The following SRP54 variants were observed in gnomAD, a reference collection of about 807,000 sequenced individuals.
The protein encoded by SRP54 is signal recognition particle subunit SRP54.
SRP54 carries 10 observed loss-of-function variants against 64.8 expected under a neutral mutation model. That is an observed-to-expected ratio of 0.15 (90% CI 0.10 to 0.26). The LOEUF (loss-of-function observed/expected upper bound fraction) is 0.26. Among genes scored for constraint, SRP54 ranks in the 10% least tolerant of loss-of-function variants. The pLI is 1.00. For synonymous variants in SRP54, 193 were observed against 185.6 expected (o/e 1.04, Z -0.32); for missense variants, 325 against 613.7 (o/e 0.53, Z 4.97).
chr14:35,025,092 G>A (rs1170081152), intron 14 of SRP54, among the ~76,000 whole-genome samples: 1 of 151,976 alleles, frequency 6.6e-6, no homozygotes, highest in Non-Finnish European at 1.5e-5. Flanking sequence ...AATTTATTTT[G>A]CTGTGTATTA....
Position 35,023,225 on chromosome 14 carries a change from CT to C in SRP54, c.1327+146del, listed in dbSNP as rs1251382685. The C allele has an allele frequency of 9.5e-6, 6 of 634,170 alleles. No individual in the cohort carries two copies. The African/African-American group carries it at 1.1e-4, about 12-fold the overall frequency. 39.3% of individuals were successfully genotyped at this position (634,170 alleles called of 1,614,324 possible). A position where few individuals can be genotyped will look rare whatever the true frequency, so the allele number is the denominator to read the frequency against. On this transcript the variant is annotated intron_variant, in intron 14 of 15. Transcript: ENST00000216774. The stretch of plus-strand genomic sequence containing the variant: ...AGGATTTATGTGACCTGTGATTTAT[CT>C]GTTTTCATATTCAAGGTAATATTAA...
intron 13 of SRP54, 84 bp from the exon 14 acceptor site, chr14:35,022,826 T>C (rs898536412): frequency 8.9e-7 from 1 of 1,126,372 alleles, no homozygotes; most frequent in Non-Finnish European, 1.2e-6. Flanking sequence ...CTAAGCTCTT[T>C]GAAGTTATAT....
chr14:35,020,729 C>G (rs1468900246), intron 13 of SRP54, among the ~76,000 whole-genome samples: 4 of 152,150 alleles, frequency 2.6e-5, no homozygotes, highest in African/African-American at 9.7e-5. Flanking sequence ...ATAATTGCAG[C>G]ATATCTAAAG....
intron 1 of SRP54, among the ~76,000 whole-genome samples, chr14:34,988,390 C>T (rs936796496): frequency 2.0e-5 from 3 of 149,782 alleles, no homozygotes; most frequent in Non-Finnish European, 3.0e-5. Context: ...GGTGAAACCC[C>T]GTCTCTACTA....
chr14:35,000,221 T>G (rs951141485), intron 3 of SRP54, among the ~76,000 whole-genome samples: 3 of 152,140 alleles, frequency 2.0e-5, no homozygotes, highest in African/African-American at 7.2e-5. Flanking sequence ...CATCTCTCCT[T>G]GTATTGTTAG....
At chr14:34,986,680 C>T (rs1437413902) in intron 1 of SRP54, among the ~76,000 whole-genome samples, 1 of 151,560 alleles carries the variant, frequency 6.6e-6, no homozygotes, top group Non-Finnish European at 1.5e-5. Context: ...GAGTTCAAGA[C>T]CAGCCTGGCC....
intron 11 of SRP54, among the ~76,000 whole-genome samples, chr14:35,015,899 G>A (rs994159007): frequency 2.0e-5 from 3 of 152,108 alleles, no homozygotes; most frequent in African/African-American, 7.2e-5. Flanking sequence ...ACCATTCTTG[G>A]ATGTTTCATA....
chr14:34,999,217 G>A (rs2138980806), intron 2 of SRP54, among the ~76,000 whole-genome samples: 1 of 152,038 alleles, frequency 6.6e-6, no homozygotes, highest in South Asian at 2.1e-4. Flanking sequence ...GTTTCGCCAT[G>A]TTGGCCAGGC....
intron 13 of SRP54, among the ~76,000 whole-genome samples, chr14:35,020,116 C>T (rs559862209): frequency 1.5e-4 from 23 of 152,038 alleles, no homozygotes; most frequent in African/African-American, 2.7e-4. Context: ...ACCCGGGAGG[C>T]GGAGGTTGCA....
chr14:34,992,377 C>G (rs1346277780), intron 1 of SRP54, among the ~76,000 whole-genome samples: 1 of 152,092 alleles, frequency 6.6e-6, no homozygotes, highest in East Asian at 1.9e-4. Flanking sequence ...GAAAACCTCA[C>G]AGAAGTTTTT....
intron 7 of SRP54, among the ~76,000 whole-genome samples, chr14:35,010,545 T>A (rs1330808794): frequency 6.6e-6 from 1 of 152,064 alleles, no homozygotes; most frequent in Admixed American, 6.6e-5. Flanking sequence ...GGCGGGCATA[T>A]CATGAGGTCA....
intron 1 of SRP54, among the ~76,000 whole-genome samples, chr14:34,988,858 A>C (rs1205390138): frequency 2.0e-5 from 3 of 151,936 alleles, no homozygotes; most frequent in African/African-American, 7.2e-5. Context: ...TCCCTGATGT[A>C]AAATGGTGTA....
rs757742080 is a variant in SRP54 at position 35,013,823 on chromosome 14, G to A, written c.807G>A (p.Pro269=). The A allele has an allele frequency of 2.5e-5, 41 of 1,609,858 alleles. No homozygotes were observed. The highest frequency in any genetic ancestry group is 2.5e-4 in the East Asian group (11 of 44,850). The part of the protein sequence containing the change: ...ALSAVAATKS[P]IIFIGTGEHI... Reference sequence around the variant, plus strand: ...CCAGAGTCGCTGCCACAAAAAGTCCGATTATTTTCATTGGTACAGGGGAAC... The same window carrying A: ...CCAGAGTCGCTGCCACAAAAAGTCCAATTATTTTCATTGGTACAGGGGAAC... Residue 269 remains proline, a synonymous_variant, in exon 10 of 16, where the codon CCG becomes CCA. Coordinates refer to ENST00000216774, the MANE Select transcript of SRP54 (RefSeq NM_003136.4).
chr14:34,999,846 A>C (rs902016173), intron 3 of SRP54, 197 bp downstream of exon 3: 5 of 393,980 alleles, frequency 1.3e-5, no homozygotes, highest in Non-Finnish European at 2.3e-5. Context: ...AATAAACTAC[A>C]TGTGATTTTC....
intron 4 of SRP54, among the ~76,000 whole-genome samples, chr14:35,006,989 A>G (rs10133628): frequency 0.37 from 55,993 of 151,928 alleles, 10,938 homozygotes; most frequent in East Asian, 0.69. Context: ...AGAAGTTGGA[A>G]ACCAGCCTGG....
chr14:34,999,789 G>T, intron 3 of SRP54, 140 bp downstream of exon 3: 1 of 584,880 alleles, frequency 1.7e-6, no homozygotes. Flanking sequence ...GAGCTCATAT[G>T]TTGGGCGAGA....
chr14:35,029,421 T>A lies in SRP54; in HGVS notation c.*269T>A. On this transcript the variant is annotated 3_prime_UTR_variant, in exon 16 of 16. Coordinates refer to ENST00000216774, the MANE Select transcript of SRP54 (RefSeq NM_003136.4). ...TGTTTTCACCATCATAACACTTAAG[T>A]TAAATCATGATGTAAAATTTTAGTA... is the stretch of plus-strand genomic sequence containing the variant. 1 of 299,622 alleles carries A rather than the reference T, an allele frequency of 3.3e-6. No homozygotes were observed. Among genetic ancestry groups the A allele is most frequent in the Non-Finnish European group, 6.2e-6 (1 of 161,768 alleles). 18.6% of individuals were successfully genotyped at this position (299,622 alleles called of 1,614,324 possible). A position where few individuals can be genotyped will look rare whatever the true frequency, so the allele number is the denominator to read the frequency against.
intron 1 of SRP54, among the ~76,000 whole-genome samples, chr14:34,984,125 A>G (rs919140650): frequency 2.6e-5 from 4 of 152,156 alleles, no homozygotes; most frequent in African/African-American, 9.7e-5. Context: ...CAGTTTTTTG[A>G]TATGGCCAAC....
chr14:34,998,965 TTGTGTGTATGTGTGTGTGTGTGTGTGTG>T (rs2044119083), intron 2 of SRP54, among the ~76,000 whole-genome samples: 10 of 121,774 alleles, frequency 8.2e-5, no homozygotes, highest in Non-Finnish European at 7.5e-5. Context: ...TATTATTACT[TTGTGTGTATGTGTGTGTGTGTGTGTGTG>T]TGTGTGTGTG....
Sources: allele counts gnomAD v4.1 joint callset (sites outside exome capture counted in the v4.1 genomes callset), GRCh38; gene constraint gnomAD v4.1.1; transcripts MANE v1.5; gene names NCBI Gene and HGNC (gene_info 2026-07-23, HGNC 2026-07-21).